Variants in WDFY3 observed in about 807,000 individuals in gnomAD.
WDFY3 encodes WD repeat and FYVE domain-containing protein 3.
In WDFY3, 66 loss-of-function variants were observed where a neutral mutation model predicts 409.6. The ratio of observed to expected loss-of-function variants is 0.16; its 90% CI spans 0.13 to 0.20. WDFY3 has a LOEUF of 0.20. Among genes scored for constraint, WDFY3 ranks in the 10% least tolerant of loss-of-function variants. The pLI is 1.00. For synonymous variants in WDFY3, 1,521 were observed against 1,537.1 expected, an observed-to-expected ratio of 0.99 and a Z score of 0.25; for missense variants, 3,031 against 4,298.1, an observed-to-expected ratio of 0.71 and a Z score of 8.24.
At chr4:84,943,404 T>C (rs1039329244) in intron 1 of WDFY3, among the ~76,000 whole-genome samples, 27 of 151,926 alleles carry the variant, frequency 1.8e-4, no homozygotes, top group African/African-American at 6.0e-4. Flanking sequence ...CTCAGGAGGC[T>C]GAGGCAGGAG....
rs1192555973 is a variant in WDFY3 at position 84,817,183 on chromosome 4, T to C, written c.1887+209A>G. On this transcript the variant is annotated intron_variant, in intron 13 of 67. Transcript: ENST00000295888. ...AGTTCCAGTAAGTCAAGATAATTAC[T>C]GAAAAGGTTTATCAGCAGAAGTAAA... is the stretch of plus-strand genomic sequence containing the variant. Among the ~76,000 whole-genome samples the C allele has an allele frequency of 2.0e-5, 3 of 152,150 alleles. No individual in the cohort carries two copies. In the East Asian group the frequency reaches 5.8e-4, roughly 29 times the overall value.
chr4:84,720,711 T>C (rs961101138), intron 47 of WDFY3, among the ~76,000 whole-genome samples: 4 of 152,202 alleles, frequency 2.6e-5, no homozygotes, highest in African/African-American at 9.6e-5. Flanking sequence ...GCCATGCTTG[T>C]ACAGCTTGTA....
intron 3 of WDFY3, among the ~76,000 whole-genome samples, chr4:84,875,399 C>G (rs1014455130): frequency 6.6e-6 from 1 of 152,032 alleles, no homozygotes; most frequent in African/African-American, 2.4e-5. Context: ...TGCAGTTGCT[C>G]TGGGTGAGTC....
At chr4:84,933,671 C>A (rs1483948813) in intron 1 of WDFY3, among the ~76,000 whole-genome samples, 1 of 151,694 alleles carries the variant, frequency 6.6e-6, no homozygotes, top group Non-Finnish European at 1.5e-5. Flanking sequence ...CCGCTCTTGC[C>A]CCACCCACTA....
intron 44 of WDFY3, among the ~76,000 whole-genome samples, chr4:84,730,166 C>A (rs2149143607): frequency 6.6e-6 from 1 of 152,224 alleles, no homozygotes; most frequent in Non-Finnish European, 1.5e-5. Flanking sequence ...ATTTTATATT[C>A]ATAATTTTTA....
rs779274174 is a variant in WDFY3 at position 84,803,465 on chromosome 4, T to C, written c.2432A>G (p.His811Arg). The C allele has an allele frequency of 7.5e-6, 12 of 1,602,858 alleles. No individual in the cohort carries two copies. The South Asian group carries it at 1.2e-4, about 17-fold the overall frequency. ...GGGAGTTGAAACAGAATGATATGCA[T>C]GCCTATAAAAAAAGAAAGAGTAAAT... ...WGTPALSRKR[H>R]AYHSVSTPPV... Residue 811 changes from histidine (H) to arginine (R), a missense_variant and splice_region_variant, in exon 16 of 68, where the codon CAT becomes CGT. By Grantham distance (29) the His-to-Arg change is conservative. Coordinates refer to ENST00000295888, the MANE Select transcript of WDFY3 (RefSeq NM_014991.6).
chr4:84,687,384 C>G (rs1728508931), intron 62 of WDFY3, among the ~76,000 whole-genome samples: 1 of 152,122 alleles, frequency 6.6e-6, no homozygotes, highest in Non-Finnish European at 1.5e-5. Context: ...CTCAAATGAT[C>G]CGCCTGCACT....
chr4:84,700,254 G>A (rs1262476364), intron 56 of WDFY3, among the ~76,000 whole-genome samples: 9 of 152,174 alleles, frequency 5.9e-5, no homozygotes. Flanking sequence ...ACCCAGGTTG[G>A]AGTGCAGTGG....
chr4:84,806,581 T>G (rs1751542845), intron 15 of WDFY3, among the ~76,000 whole-genome samples: 1 of 149,758 alleles, frequency 6.7e-6, no homozygotes, highest in Non-Finnish European at 1.5e-5. Context: ...TTTCCCTTTG[T>G]CAAATTACCA....
intron 2 of WDFY3, among the ~76,000 whole-genome samples, chr4:84,919,116 A>T (rs763585729): frequency 2.0e-4 from 31 of 152,170 alleles, no homozygotes; most frequent in Non-Finnish European, 3.7e-4. Flanking sequence ...AAAGGATACA[A>T]GAGCCAGCAT....
intron 3 of WDFY3, among the ~76,000 whole-genome samples, chr4:84,867,367 T>C (rs1761530962): frequency 6.6e-6 from 1 of 152,206 alleles, no homozygotes; most frequent in South Asian, 2.1e-4. Context: ...AGAAAAGATA[T>C]GCAAAATAAG....
chr4:84,890,616 G>T (rs1263234438), intron 3 of WDFY3, among the ~76,000 whole-genome samples: 3 of 152,200 alleles, frequency 2.0e-5, no homozygotes, highest in Non-Finnish European at 4.4e-5. Context: ...CCTCTGAACT[G>T]TGTGTGGCAC....
intron 13 of WDFY3, among the ~76,000 whole-genome samples, chr4:84,815,367 A>C (rs1753134570): frequency 6.6e-6 from 1 of 152,158 alleles, no homozygotes; most frequent in African/African-American, 2.4e-5. Flanking sequence ...TTTTCAAAAA[A>C]AGGAATTCTC....
intron 2 of WDFY3, among the ~76,000 whole-genome samples, chr4:84,909,046 A>G (rs1010719172): frequency 4.5e-4 from 68 of 151,352 alleles, no homozygotes; most frequent in African/African-American, 1.6e-3. Context: ...ACACACACAC[A>G]CGCACACACA....
intron 4 of WDFY3, among the ~76,000 whole-genome samples, chr4:84,856,992 TATTA>T (rs1463424268): frequency 6.6e-6 from 1 of 152,226 alleles, no homozygotes; most frequent in Non-Finnish European, 1.5e-5. Flanking sequence ...AATTTTAGTT[TATTA>T]ATTATATCCA....
Position 84,742,011 on chromosome 4 carries a change from A to G in WDFY3, c.6074-90T>C, listed in dbSNP as rs1363179597. 3 of 1,284,556 alleles carry G rather than the reference A, an allele frequency of 2.3e-6. No individual in the cohort carries two copies. The East Asian group carries it at 7.7e-5, about 33-fold the overall frequency. 79.6% of individuals were successfully genotyped at this position (1,284,556 alleles called of 1,614,324 possible). A position where few individuals can be genotyped will look rare whatever the true frequency, so the allele number is the denominator to read the frequency against. On this transcript the variant is annotated intron_variant, in intron 37 of 67. Coordinates refer to ENST00000295888, the MANE Select transcript of WDFY3 (RefSeq NM_014991.6). ...AAAAAAAAAATCAGGCTAAGGTAAA[A>G]TAAGTGTATCTACAACAGGTAGCAA...
chr4:84,820,162 A>C lies in WDFY3; in HGVS notation c.1616T>G (p.Val539Gly). The C allele has an allele frequency of 1.2e-6, 2 of 1,610,044 alleles. No homozygotes were observed. Among genetic ancestry groups the C allele is most frequent in the Admixed American group, 1.7e-5 (1 of 59,630 alleles). Residue 539 changes from valine to glycine, a missense_variant, in exon 12 of 68, where the codon GTT (valine) becomes GGT (glycine). By Grantham distance (109) the Val-to-Gly change is moderately radical (BLOSUM62 -3). This residue lies in a region of WDFY3 where 1,322 missense variants were observed against 1,697.9 expected (regional missense o/e 0.78). Transcript: ENST00000295888. ...TAAAGCCAGGTGTTTTTGGTCTTCA[A>C]CTGAACTATTATTTCTTGAGTCCCC... is the stretch of plus-strand genomic sequence containing the variant. ...EQGDSRNNSS[V>G]EDQKHLALLV...
At chr4:84,905,123 G>T (rs1041797083) in intron 2 of WDFY3, among the ~76,000 whole-genome samples, 1 of 152,200 alleles carries the variant, frequency 6.6e-6, no homozygotes, top group Non-Finnish European at 1.5e-5. Flanking sequence ...ATCACTTGAG[G>T]TCAGGAGTTC....
chr4:84,709,248 C>G (rs1326956171), intron 52 of WDFY3, 45 bp downstream of exon 52: 1 of 1,552,458 alleles, frequency 6.4e-7, no homozygotes, highest in South Asian at 1.2e-5. Context: ...GACTTCTACT[C>G]TAATTACGAA....
Sources: gnomAD v4.1 joint callset for allele counts (sites outside exome capture counted in the v4.1 genomes callset) on GRCh38, gnomAD v4.1.1 for gene constraint, gnomAD v4.1.1 regional missense constraint, MANE v1.5 for transcripts, NCBI Gene and HGNC (gene_info 2026-07-23, HGNC 2026-07-21) for gene names.